Variants in GPC1 observed in about 807,000 individuals in gnomAD.
The protein encoded by GPC1 is glypican 1.
A neutral mutation model predicts 51.5 loss-of-function variants in GPC1; 26 were observed. The ratio of observed to expected loss-of-function variants is 0.50; its 90% CI spans 0.37 to 0.70. GPC1 has a LOEUF of 0.70. Ranked by LOEUF, GPC1 falls within the 30% of genes least tolerant of loss-of-function variation. The pLI is 0.00. For synonymous variants in GPC1, 380 were observed against 348.3 expected (o/e 1.09, Z -1.01); for missense variants, 775 against 800.5 (o/e 0.97, Z 0.38).
chr2:240,438,069 T>C (rs779040636), intron 1 of GPC1, among the ~76,000 whole-genome samples: 17 of 152,148 alleles, frequency 1.1e-4, no homozygotes, highest in Non-Finnish European at 2.2e-4. Flanking sequence ...GGGCAGGGGA[T>C]GCTGTCCACC....
At chr2:240,440,178 C>T (rs1396117969) in intron 1 of GPC1, among the ~76,000 whole-genome samples, 1 of 152,210 alleles carries the variant, frequency 6.6e-6, no homozygotes, top group Non-Finnish European at 1.5e-5. Context: ...TGCAAAGGCC[C>T]ACACACACCC....
chr2:240,444,030 C>T (rs982746351), intron 1 of GPC1, among the ~76,000 whole-genome samples: 27 of 152,330 alleles, frequency 1.8e-4, no homozygotes, highest in African/African-American at 5.8e-4. Context: ...CAGACTACCC[C>T]GCAGGTGCAG....
intron 2 of GPC1, 45 bp from the exon 3 acceptor site, chr2:240,462,146 G>T: frequency 6.7e-7 from 1 of 1,502,954 alleles, no homozygotes; most frequent in Middle Eastern, 2.3e-4. Context: ...CAGCTGCCAC[G>T]GCGGGGGAAA....
At chr2:240,457,281 C>T (rs2074174806) in intron 1 of GPC1, among the ~76,000 whole-genome samples, 1 of 152,212 alleles carries the variant, frequency 6.6e-6, no homozygotes, top group Non-Finnish European at 1.5e-5. Flanking sequence ...TCCCAGGCCC[C>T]TCTGACAACC....
intron 1 of GPC1, among the ~76,000 whole-genome samples, chr2:240,453,800 G>T (rs1392197123): frequency 6.6e-6 from 1 of 151,734 alleles, no homozygotes; most frequent in Admixed American, 6.6e-5. Flanking sequence ...GACTGGCATC[G>T]GGGCGCCCGG....
rs919381396 is a variant in GPC1 at position 240,463,660 on chromosome 2, G to A, written c.883+148G>A. The A allele has an allele frequency of 7.6e-6, 5 of 657,552 alleles. No individual in the cohort carries two copies. The African/African-American group carries it at 9.1e-5, about 12-fold the overall frequency. 40.7% of individuals were successfully genotyped at this position (657,552 alleles called of 1,614,324 possible). On this transcript the variant is annotated intron_variant, in intron 4 of 8. Coordinates refer to ENST00000264039, the MANE Select transcript of GPC1 (RefSeq NM_002081.3). The stretch of plus-strand genomic sequence containing the variant: ...ACCCGGGCCAGATCTGGGTGGTGCT[G>A]CAGGGTTGAGGGGCCAGGGTGCCTT...
rs1180764624 is a variant in GPC1, at chr2:240,466,278, C to T, written c.1665C>T (p.Pro555=). The change falls in exon 9 of 9, where the codon CCC becomes CCT. Residue 555 remains proline (P), a synonymous_variant. Transcript: ENST00000264039. ...LLFLALTVAR[P]RWR ...TCCTGGCCCTTACAGTAGCCAGGCC[C>T]CGGTGGCGGTAACTGCCCCAAGGCC... is the stretch of plus-strand genomic sequence containing the variant. 21 of 1,591,558 alleles carry T rather than the reference C, an allele frequency of 1.3e-5. 1 individual carries two copies. The South Asian group carries it at 2.3e-4, about 18-fold the overall frequency.
intron 1 of GPC1, chr2:240,456,784 G>T (rs1405015833): frequency 1.1e-5 from 4 of 361,104 alleles, no homozygotes; most frequent in Non-Finnish European, 1.2e-5. Flanking sequence ...TGGGACTGGG[G>T]CAGAATCCCA....
chr2:240,444,572 G>T (rs1281051278), intron 1 of GPC1, among the ~76,000 whole-genome samples: 1 of 152,220 alleles, frequency 6.6e-6, no homozygotes, highest in Admixed American at 6.5e-5. Context: ...TCCCCGGCAG[G>T]GGTGCTTCCT....
At chr2:240,451,453 AC>A (rs767203226) in intron 1 of GPC1, 18 of 342,236 alleles carry the variant, frequency 5.3e-5, no homozygotes, top group Non-Finnish European at 9.5e-5. Context: ...CAGGAGGACA[AC>A]CCCACCCTCC....
At chr2:240,462,694 C>A (rs2074227303) in intron 3 of GPC1, 112 bp downstream of exon 3, 1 of 970,288 alleles carries the variant, frequency 1.0e-6, no homozygotes, top group Non-Finnish European at 1.5e-6. Context: ...TCTGGGCCAG[C>A]CTCTGACCTC....
At chr2:240,451,303 C>G (rs947791078) in intron 1 of GPC1, 2 of 469,144 alleles carry the variant, frequency 4.3e-6, no homozygotes, top group African/African-American at 4.0e-5. Context: ...GTGGCTGCTG[C>G]GTCCCCTTCT....
intron 1 of GPC1, among the ~76,000 whole-genome samples, chr2:240,441,767 T>C (rs919363797): frequency 1.3e-5 from 2 of 152,034 alleles, no homozygotes; most frequent in African/African-American, 2.4e-5. Flanking sequence ...GGGGGTGCAG[T>C]GTAGGGTGTT....
chr2:240,461,511 C>T (rs965992593), intron 2 of GPC1, among the ~76,000 whole-genome samples: 1 of 152,118 alleles, frequency 6.6e-6, no homozygotes, highest in Admixed American at 6.5e-5. Context: ...GCCCCTGCAG[C>T]ACATGTGGAG....
rs2074268865 is a variant in GPC1 at position 240,467,080 on chromosome 2, C to G, written c.*790C>G. On this transcript the variant is annotated 3_prime_UTR_variant, in exon 9 of 9. Transcript: ENST00000264039. ...TGTGGGCTGCCCCTCGCACACAGGG[C>G]TCACAGGGCAGGCCTTGCTGGGGTC... 1 of 152,298 alleles carries G rather than the reference C, an allele frequency of 6.6e-6. No individual in the cohort carries two copies. The highest frequency in any genetic ancestry group is 2.4e-5 in the African/African-American group (1 of 41,474). The allele number at this position is 152,298 out of a possible 1,614,324, so 9.4% of individuals were successfully genotyped here.
intron 2 of GPC1, among the ~76,000 whole-genome samples, chr2:240,459,773 G>A (rs574730894): frequency 6.6e-6 from 1 of 152,244 alleles, no homozygotes; most frequent in South Asian, 2.1e-4. Flanking sequence ...CGTACTCCTC[G>A]GCCCAGGCTG....
Position 240,467,425 on chromosome 2 carries a change from G to A in GPC1, c.*1135G>A, listed in dbSNP as rs1480005115. On this transcript the variant is annotated 3_prime_UTR_variant, in exon 9 of 9. Coordinates refer to ENST00000264039, the MANE Select transcript of GPC1 (RefSeq NM_002081.3). The stretch of plus-strand genomic sequence containing the variant: ...GGAGAGCTGTTCGCTCCTCCCAGAT[G>A]GCTTCGGAGGGCCGCAGGGCCCACC... 1.3e-5 allele frequency: 2 copies of A among 152,280 alleles called. No homozygotes were observed. The highest frequency in any genetic ancestry group is 2.9e-5 in the Non-Finnish European group (2 of 68,086). The allele number at this position is 152,280 out of a possible 1,614,324, so 9.4% of individuals were successfully genotyped here.
chr2:240,454,572 T>C (rs2074138395), intron 1 of GPC1, among the ~76,000 whole-genome samples: 1 of 152,080 alleles, frequency 6.6e-6, no homozygotes, highest in Non-Finnish European at 1.5e-5. Flanking sequence ...TTCCCTTGCG[T>C]GTTGGGGGGC....
Position 240,435,900 on chromosome 2 carries a change from G to T in GPC1, c.-19G>T. ...GAGAGAGGCGCGGGCGGGTGGCCGG[G>T]GGCGCCGCCGGCCCCGCCATGGAGC... On this transcript the variant is annotated 5_prime_UTR_variant, in exon 1 of 9. Transcript: ENST00000264039. 2 of 1,228,054 alleles carry T rather than the reference G, an allele frequency of 1.6e-6. No homozygotes were observed. The highest frequency in any genetic ancestry group is 2.0e-6 in the Non-Finnish European group (2 of 983,600). The allele number at this position is 1,228,054 out of a possible 1,614,324, so 76.1% of individuals were successfully genotyped here. A position where few individuals can be genotyped will look rare whatever the true frequency, so the allele number is the denominator to read the frequency against.
Sources: gnomAD v4.1 joint callset for allele counts (sites outside exome capture counted in the v4.1 genomes callset) on GRCh38, gnomAD v4.1.1 for gene constraint, MANE v1.5 for transcripts, NCBI Gene and HGNC (gene_info 2026-07-23, HGNC 2026-07-21) for gene names.